Variants in BLTP3A observed in about 807,000 individuals in gnomAD.
The protein encoded by BLTP3A is ICBP90 binding protein 1.
At chr6:34,826,113 C>T in the BLTP3A span, among the ~76,000 whole-genome samples, 2 of 150,464 alleles carry the variant, frequency 1.3e-5, no homozygotes, top group Non-Finnish European at 3.0e-5. Flanking sequence ...ACTGCAACCA[C>T]CGCTTCCTGG....
chr6:34,851,126 C>T, the BLTP3A span, among the ~76,000 whole-genome samples: 1 of 152,060 alleles, frequency 6.6e-6, no homozygotes. Flanking sequence ...CTCTGTTACT[C>T]CAGGTTTGGT....
the BLTP3A span, among the ~76,000 whole-genome samples, chr6:34,810,168 T>C: frequency 6.6e-6 from 1 of 152,200 alleles, no homozygotes; most frequent in African/African-American, 2.4e-5. Flanking sequence ...CCTTACAATG[T>C]CATGACTTTT....
chr6:34,860,948 G>T, the BLTP3A span, among the ~76,000 whole-genome samples: 2 of 152,096 alleles, frequency 1.3e-5, no homozygotes, highest in Non-Finnish European at 2.9e-5. Flanking sequence ...CCTTCTCCTG[G>T]ACTCCTCTAT....
chr6:34,828,477 T>TTATATA, the BLTP3A span, among the ~76,000 whole-genome samples: 2 of 147,602 alleles, frequency 1.4e-5, no homozygotes, highest in South Asian at 2.1e-4. Flanking sequence ...AAGTGTGTAT[T>TTATATA]TATATATATA....
At chr6:34,857,996 C>T in the BLTP3A span, 1 of 1,568,048 alleles carries the variant, frequency 6.4e-7, no homozygotes, top group East Asian at 2.2e-5. Flanking sequence ...CATGGTTTTG[C>T]TCTGTCCATT....
the BLTP3A span, chr6:34,856,414 G>A: frequency 6.2e-7 from 1 of 1,613,278 alleles, no homozygotes; most frequent in South Asian, 1.1e-5. Flanking sequence ...AAGCAGGTGG[G>A]TTATGAGGAA....
At chr6:34,845,372 A>G in the BLTP3A span, among the ~76,000 whole-genome samples, 4 of 152,102 alleles carry the variant, frequency 2.6e-5, no homozygotes, top group Non-Finnish European at 5.9e-5. Flanking sequence ...TTGTGGTTCC[A>G]TGTACATTTT....
chr6:34,860,892 A>G, the BLTP3A span, among the ~76,000 whole-genome samples: 2 of 152,196 alleles, frequency 1.3e-5, no homozygotes, highest in Non-Finnish European at 2.9e-5. Context: ...TAAAACATCA[A>G]CAGTGACTTC....
chr6:34,861,168 C>CA, the BLTP3A span, among the ~76,000 whole-genome samples: 1 of 151,630 alleles, frequency 6.6e-6, no homozygotes, highest in African/African-American at 2.4e-5. Context: ...AGACAGGTCT[C>CA]ATTCTGTTGC....
chr6:34,802,626 A>C, the BLTP3A span, among the ~76,000 whole-genome samples: 1 of 151,854 alleles, frequency 6.6e-6, no homozygotes, highest in Non-Finnish European at 1.5e-5. Context: ...CTCCCAAAGT[A>C]CTGGGATTAC....
chr6:34,845,518 A>G, the BLTP3A span, among the ~76,000 whole-genome samples: 1 of 152,158 alleles, frequency 6.6e-6, no homozygotes, highest in Non-Finnish European at 1.5e-5. Flanking sequence ...TCCTGGGCTC[A>G]AGTGATCCTT....
At chr6:34,829,612 T>C in the BLTP3A span, among the ~76,000 whole-genome samples, 1 of 152,152 alleles carries the variant, frequency 6.6e-6, no homozygotes, top group Non-Finnish European at 1.5e-5. Context: ...CATTCTGTTG[T>C]AGATGCTTCT....
the BLTP3A span, chr6:34,872,006 G>A: frequency 7.1e-7 from 1 of 1,408,150 alleles, no homozygotes; most frequent in South Asian, 1.3e-5. Context: ...GGGTTGGGGG[G>A]CAAAAAGGTT....
chr6:34,862,240 G>A, the BLTP3A span, among the ~76,000 whole-genome samples: 3 of 152,024 alleles, frequency 2.0e-5, no homozygotes, highest in African/African-American at 7.2e-5. Context: ...AGCTGGGTGT[G>A]GTGGCACGTG....
At chr6:34,871,447 C>G in the BLTP3A span, 2 of 819,868 alleles carry the variant, frequency 2.4e-6, no homozygotes, top group South Asian at 3.4e-5. Flanking sequence ...GGAGAATCTG[C>G]CATGCCTCTT....
At chr6:34,811,340 A>AG in the BLTP3A span, among the ~76,000 whole-genome samples, 1 of 152,208 alleles carries the variant, frequency 6.6e-6, no homozygotes, top group South Asian at 2.1e-4. Flanking sequence ...ACAAATGAAC[A>AG]CAAAGGATTT....
the BLTP3A span, among the ~76,000 whole-genome samples, chr6:34,841,566 C>T: frequency 6.6e-6 from 1 of 152,164 alleles, no homozygotes; most frequent in African/African-American, 2.4e-5. Flanking sequence ...AGCCATAGAA[C>T]ACTTCCATCA....
the BLTP3A span, among the ~76,000 whole-genome samples, chr6:34,802,251 G>A: frequency 6.6e-6 from 1 of 151,934 alleles, no homozygotes; most frequent in Non-Finnish European, 1.5e-5. Context: ...TGTTGCCACG[G>A]CTGGAGTGCA....
chr6:34,795,215 C>A, the BLTP3A span, among the ~76,000 whole-genome samples: 7 of 152,078 alleles, frequency 4.6e-5, no homozygotes, highest in Admixed American at 3.9e-4. Flanking sequence ...TCCTGAGTAG[C>A]TGAGACCATG....
Sources: allele counts gnomAD v4.1 joint callset (sites outside exome capture counted in the v4.1 genomes callset), GRCh38; gene constraint gnomAD v4.1.1; transcripts MANE v1.5; gene names NCBI Gene and HGNC (gene_info 2026-07-23, HGNC 2026-07-21).